The following GRID1 variants were observed in gnomAD, a reference collection of about 807,000 sequenced individuals.
GRID1 encodes glutamate receptor ionotropic, delta-1.
A neutral mutation model predicts 98.0 loss-of-function variants in GRID1; 28 were observed. The ratio of observed to expected loss-of-function variants is 0.29; its 90% CI spans 0.21 to 0.39. The LOEUF is 0.39. Among genes scored for constraint, GRID1 ranks in the 10% least tolerant of loss-of-function variants. The pLI is 1.00. For synonymous variants in GRID1, 553 were observed against 538.5 expected (o/e 1.03, Z -0.37); for missense variants, 1,111 against 1,340.5 (o/e 0.83, Z 2.67).
rs574618320 is a variant in GRID1 at position 85,964,626 on chromosome 10, T to A, written c.727-48387A>T. On this transcript the variant is annotated intron_variant, in intron 4 of 15. Coordinates refer to ENST00000327946, the MANE Select transcript of GRID1 (RefSeq NM_017551.3). ...AAACTGGATCCCTTCCTTACACCTTTTACAAAAATTAACTCCAGATGGATT... is the reference window on the plus strand; with the variant it reads ...AAACTGGATCCCTTCCTTACACCTTATACAAAAATTAACTCCAGATGGATT... Among the ~76,000 whole-genome samples the A allele has an allele frequency of 7.2e-5, 11 of 152,170 alleles. No homozygotes were observed. In the East Asian group the frequency reaches 1.5e-3, roughly 21 times the overall value.
intron 4 of GRID1, among the ~76,000 whole-genome samples, chr10:86,032,581 A>C (rs1278885510): frequency 6.6e-6 from 1 of 152,190 alleles, no homozygotes; most frequent in Non-Finnish European, 1.5e-5. Context: ...TAAATGGATT[A>C]AGGGCGGTGC....
At chr10:85,638,569 C>T (rs1041877019) in intron 13 of GRID1, among the ~76,000 whole-genome samples, 2 of 152,080 alleles carry the variant, frequency 1.3e-5, no homozygotes, top group Non-Finnish European at 2.9e-5. Context: ...GACTGTCAAT[C>T]AAGGCATGTA....
intron 13 of GRID1, among the ~76,000 whole-genome samples, chr10:85,635,416 C>T (rs778246925): frequency 1.3e-4 from 20 of 152,160 alleles, no homozygotes; most frequent in Non-Finnish European, 2.6e-4. Context: ...ACCCCCTGCC[C>T]TCCCCTGCCC....
intron 4 of GRID1, among the ~76,000 whole-genome samples, chr10:86,011,931 G>A (rs1842927300): frequency 6.6e-6 from 1 of 152,180 alleles, no homozygotes; most frequent in African/African-American, 2.4e-5. Flanking sequence ...GCCGAAGCGA[G>A]CAGATTGCTT....
At chr10:86,056,877 G>C (rs549109615) in intron 4 of GRID1, among the ~76,000 whole-genome samples, 5 of 152,342 alleles carry the variant, frequency 3.3e-5, no homozygotes, top group Admixed American at 3.3e-4. Flanking sequence ...GGGCCCATCT[G>C]CAGTGCAAAG....
intron 12 of GRID1, among the ~76,000 whole-genome samples, chr10:85,716,219 C>G (rs1347368653): frequency 6.6e-6 from 1 of 152,172 alleles, no homozygotes; most frequent in East Asian, 1.9e-4. Flanking sequence ...ATCAACCTAA[C>G]TTTTTATCTG....
chr10:86,153,111 G>A (rs1282497443), intron 3 of GRID1, among the ~76,000 whole-genome samples: 1 of 152,154 alleles, frequency 6.6e-6, no homozygotes, highest in Non-Finnish European at 1.5e-5. Flanking sequence ...GAGCTCCAGG[G>A]TGCCACAGAG....
chr10:86,220,126 CT>C (rs1846231885), intron 2 of GRID1, among the ~76,000 whole-genome samples: 1 of 152,270 alleles, frequency 6.6e-6, no homozygotes, highest in Non-Finnish European at 1.5e-5. Context: ...CTAATTCCTC[CT>C]CCTCGGGAAG....
Position 86,119,629 on chromosome 10 carries a change from C to T in GRID1, c.726+19190G>A, listed in dbSNP as rs373092490. ...CTCCCCAATTATCCCTTCCTTAGCT[C>T]GATGTTATGTTGACGCTCACCCAAA... On this transcript the variant is annotated intron_variant, in intron 4 of 15. Transcript: ENST00000327946. Among the ~76,000 whole-genome samples, 13 of 152,262 alleles carry T rather than the reference C, an allele frequency of 8.5e-5. No individual in the cohort carries two copies. In the East Asian group the frequency reaches 2.1e-3, roughly 25 times the overall value.
At chr10:85,638,906 G>T (rs967043160) in intron 13 of GRID1, among the ~76,000 whole-genome samples, 1 of 152,064 alleles carries the variant, frequency 6.6e-6, no homozygotes, top group African/African-American at 2.4e-5. Context: ...CACTAAATTG[G>T]CTGCAACCAA....
At chr10:86,011,364 A>G (rs1347818556) in intron 4 of GRID1, among the ~76,000 whole-genome samples, 1 of 152,222 alleles carries the variant, frequency 6.6e-6, no homozygotes, top group Non-Finnish European at 1.5e-5. Flanking sequence ...CACCTGGAAC[A>G]ATACCTAGCA....
At chr10:86,318,982 G>A (rs944164237) in intron 2 of GRID1, among the ~76,000 whole-genome samples, 8 of 152,168 alleles carry the variant, frequency 5.3e-5, no homozygotes, top group African/African-American at 1.7e-4. Context: ...TTAAGATGGG[G>A]CTTAAGATAG....
intron 2 of GRID1, among the ~76,000 whole-genome samples, chr10:86,314,323 G>A (rs1847870309): frequency 6.6e-6 from 1 of 152,192 alleles, no homozygotes; most frequent in African/African-American, 2.4e-5. Flanking sequence ...AGGTCCCAAG[G>A]GTTGTCCCAA....
chr10:85,944,675 A>T (rs1842033825), intron 4 of GRID1, among the ~76,000 whole-genome samples: 1 of 152,146 alleles, frequency 6.6e-6, no homozygotes, highest in Non-Finnish European at 1.5e-5. Context: ...GGAAGAGAAA[A>T]CCTGGGGCAA....
chr10:86,138,219 T>C (rs1212269508), intron 4 of GRID1, among the ~76,000 whole-genome samples: 3 of 152,204 alleles, frequency 2.0e-5, no homozygotes, highest in Non-Finnish European at 4.4e-5. Context: ...AATGGATTCT[T>C]TACAAATGAA....
intron 5 of GRID1, among the ~76,000 whole-genome samples, chr10:85,880,287 C>T (rs1255429989): frequency 1.3e-5 from 2 of 152,164 alleles, no homozygotes; most frequent in African/African-American, 4.8e-5. Context: ...CCAGCATCAT[C>T]CTGATACCAA....
At chr10:85,784,132 T>C (rs1401810546) in intron 8 of GRID1, among the ~76,000 whole-genome samples, 6 of 152,202 alleles carry the variant, frequency 3.9e-5, no homozygotes, top group African/African-American at 1.4e-4. Context: ...ATAATGTAAA[T>C]ATTAAGAAAA....
At position 85,729,327 on chromosome 10, in the gene GRID1, G is replaced by A. The variant is rs151083019; in HGVS notation, c.1335+186C>T. On this transcript the variant is annotated intron_variant, in intron 9 of 15. Transcript: ENST00000327946. ...CCTTTGGAAGGCACAGAGGTCCTGGGGCAGAAACTTCAATCTCACTCTTCC... is the reference window on the plus strand; with the variant it reads ...CCTTTGGAAGGCACAGAGGTCCTGGAGCAGAAACTTCAATCTCACTCTTCC... Among the ~76,000 whole-genome samples, 15 of 152,216 alleles carry A rather than the reference G, an allele frequency of 9.9e-5. No individual in the cohort carries two copies. The East Asian group carries it at 2.9e-3, about 29-fold the overall frequency.
At chr10:86,032,778 C>T (rs1843204741) in intron 4 of GRID1, among the ~76,000 whole-genome samples, 1 of 149,792 alleles carries the variant, frequency 6.7e-6, no homozygotes, top group Non-Finnish European at 1.5e-5. Context: ...GCCCTATGAC[C>T]CTGCCAAATC....
Sources: allele counts gnomAD v4.1 joint callset (sites outside exome capture counted in the v4.1 genomes callset), GRCh38; gene constraint gnomAD v4.1.1; transcripts MANE v1.5; gene names NCBI Gene and HGNC (gene_info 2026-07-23, HGNC 2026-07-21).